The following TSPEAR variants were observed in gnomAD, a reference collection of about 807,000 sequenced individuals.
The protein encoded by TSPEAR is thrombospondin-type laminin G domain and EAR repeat-containing protein.
A neutral mutation model predicts 71.6 loss-of-function variants in TSPEAR; 69 were observed. That is an observed-to-expected ratio of 0.96 (90% CI 0.79 to 1.18). TSPEAR has a LOEUF of 1.18. Among genes scored for constraint, TSPEAR ranks in the 50% most tolerant of loss-of-function variants. TSPEAR has a pLI of 0.00. For synonymous variants in TSPEAR, 402 were observed against 387.2 expected (o/e 1.04, Z -0.45); for missense variants, 971 against 894.9 (o/e 1.09, Z -1.09).
chr21:44,570,384 T>A (rs1601426922), intron 1 of TSPEAR, among the ~76,000 whole-genome samples: 1 of 152,190 alleles, frequency 6.6e-6, no homozygotes, highest in East Asian at 1.9e-4. Context: ...TGACACAGCC[T>A]CGGCAGTGCT....
At chr21:44,526,646 G>A (rs1289670559) in intron 7 of TSPEAR, among the ~76,000 whole-genome samples, 2 of 152,272 alleles carry the variant, frequency 1.3e-5, no homozygotes, top group Admixed American at 1.3e-4. Flanking sequence ...GGCCTCCTTG[G>A]CACATTGTAG....
chr21:44,616,882 G>A (rs1982136486), intron 1 of TSPEAR, among the ~76,000 whole-genome samples: 1 of 152,194 alleles, frequency 6.6e-6, no homozygotes, highest in Non-Finnish European at 1.5e-5. Context: ...TGCTTCTGGG[G>A]CCGAACAACC....
At chr21:44,628,667 C>T (rs1555935150) in intron 1 of TSPEAR, among the ~76,000 whole-genome samples, 1 of 152,032 alleles carries the variant, frequency 6.6e-6, no homozygotes, top group Non-Finnish European at 1.5e-5. Flanking sequence ...GCAGCTCCTT[C>T]CCATGGCAAG....
intron 1 of TSPEAR, among the ~76,000 whole-genome samples, chr21:44,598,895 G>A (rs985506940): frequency 2.0e-5 from 3 of 152,090 alleles, no homozygotes; most frequent in Non-Finnish European, 4.4e-5. Flanking sequence ...GAATTGTTTT[G>A]TTTCATATTT....
At chr21:44,690,674 T>C in intron 1 of TSPEAR, 5 of 798,746 alleles carry the variant, frequency 6.3e-6, no homozygotes, top group Non-Finnish European at 7.6e-6. Context: ...GACAGCAAAT[T>C]ATTAACCATA....
intron 1 of TSPEAR, chr21:44,601,220 G>T (rs1555928661): frequency 6.2e-7 from 1 of 1,603,120 alleles, no homozygotes; most frequent in Non-Finnish European, 8.5e-7. Context: ...CAATCAGGCT[G>T]CATCAGCTCC....
chr21:44,676,369 G>T, intron 1 of TSPEAR: 1 of 1,125,342 alleles, frequency 8.9e-7, no homozygotes, highest in Non-Finnish European at 1.4e-6. Context: ...ACTACCCAGT[G>T]GGACAGCAGG....
At chr21:44,652,648 C>A (rs1601532714) in intron 1 of TSPEAR, among the ~76,000 whole-genome samples, 2 of 152,240 alleles carry the variant, frequency 1.3e-5, no homozygotes, top group East Asian at 3.9e-4. Flanking sequence ...TCTATACTTG[C>A]AAGTATCTTT....
At chr21:44,632,242 A>G (rs1456290881) in intron 1 of TSPEAR, among the ~76,000 whole-genome samples, 1 of 152,222 alleles carries the variant, frequency 6.6e-6, no homozygotes, top group East Asian at 1.9e-4. Flanking sequence ...ATTGAAAGCC[A>G]AAGACAAAAC....
intron 1 of TSPEAR, among the ~76,000 whole-genome samples, chr21:44,615,725 T>C (rs1982048528): frequency 6.6e-6 from 1 of 151,952 alleles, no homozygotes; most frequent in South Asian, 2.1e-4. Context: ...TATATATATA[T>C]AGTTATCAAA....
At chr21:44,609,003 CGTT>C (rs1361959519) in intron 1 of TSPEAR, among the ~76,000 whole-genome samples, 1 of 152,156 alleles carries the variant, frequency 6.6e-6, no homozygotes, top group East Asian at 1.9e-4. Flanking sequence ...ACAAATAACA[CGTT>C]GTAGAATTTA....
At chr21:44,646,872 C>T in intron 1 of TSPEAR, 1 of 1,577,796 alleles carries the variant, frequency 6.3e-7, no homozygotes, top group Non-Finnish European at 8.6e-7. Flanking sequence ...CTTGCTGTGC[C>T]TCTTCCTCCT....
chr21:44,500,579 G>A (rs1172116827), intron 11 of TSPEAR, among the ~76,000 whole-genome samples: 4 of 152,228 alleles, frequency 2.6e-5, no homozygotes, highest in African/African-American at 7.2e-5. Context: ...CTGCTTTCTG[G>A]AAAAACCGTG....
At chr21:44,550,785 C>G (rs587620289) in intron 2 of TSPEAR, 1 of 1,614,234 alleles carries the variant, frequency 6.2e-7, no homozygotes, top group Admixed American at 1.7e-5. Context: ...GGAGGGTCTG[C>G]AGCAGGAGGA....
At chr21:44,524,411 G>A (rs1017788356) in intron 8 of TSPEAR, among the ~76,000 whole-genome samples, 2 of 151,398 alleles carry the variant, frequency 1.3e-5, no homozygotes, top group Non-Finnish European at 2.9e-5. Flanking sequence ...AGGTAATTAG[G>A]TAGTCAGTCA....
intron 10 of TSPEAR, among the ~76,000 whole-genome samples, chr21:44,505,845 T>C (rs2052186166): frequency 6.6e-6 from 1 of 152,080 alleles, no homozygotes; most frequent in Non-Finnish European, 1.5e-5. Flanking sequence ...ATGTGGCTAC[T>C]GTGAATGCTG....
rs1979860087 is a variant in TSPEAR, at chr21:44,591,668, G to A, written c.83-23663C>T. 4.4e-6 allele frequency: 7 copies of A among 1,585,934 alleles called. No homozygotes were observed. Among genetic ancestry groups the A allele is most frequent in the Non-Finnish European group, 6.0e-6 (7 of 1,160,220 alleles). On this transcript the variant is annotated intron_variant, in intron 1 of 11. Transcript: ENST00000323084. ...GATGTGGAAGCCCCAGAGCAGACGGGCACACAGCAGGCGTGCTGGCAGGGG... is the reference window on the plus strand; with the variant it reads ...GATGTGGAAGCCCCAGAGCAGACGGACACACAGCAGGCGTGCTGGCAGGGG...
intron 1 of TSPEAR, among the ~76,000 whole-genome samples, chr21:44,696,073 A>T (rs1987318780): frequency 1.3e-5 from 2 of 152,192 alleles, no homozygotes; most frequent in South Asian, 4.1e-4. Context: ...CTCCTAGAAC[A>T]ACCCCTCTGA....
chr21:44,697,040 TCCCTCCTG>T, intron 1 of TSPEAR: 6 of 1,060,346 alleles, frequency 5.7e-6, no homozygotes, highest in Non-Finnish European at 6.5e-6. Flanking sequence ...ACTCACTCCC[TCCCTCCTG>T]CCCATCCAGC....
Sources: gnomAD v4.1 joint callset for allele counts (sites outside exome capture counted in the v4.1 genomes callset) on GRCh38, gnomAD v4.1.1 for gene constraint, MANE v1.5 for transcripts, NCBI Gene and HGNC (gene_info 2026-07-23, HGNC 2026-07-21) for gene names.